The following FRMPD4 variants were observed in gnomAD, a reference collection of about 807,000 sequenced individuals.
FRMPD4 encodes FERM and PDZ domain-containing protein 4.
A neutral mutation model predicts 94.1 loss-of-function variants in FRMPD4; 22 were observed. The observed-to-expected ratio is 0.23, with a 90% CI of 0.17 to 0.33. The LOEUF (loss-of-function observed/expected upper bound fraction) is 0.33, where lower values mean the gene tolerates loss of function less well. FRMPD4 is among the 10% of genes least tolerant of loss of function. The probability of loss-of-function intolerance (pLI) is 1.00; values close to 1 mark genes in which losing one functional copy is unlikely to be tolerated. For synonymous variants in FRMPD4, 631 were observed against 548.6 expected (o/e 1.15, Z -2.10); for missense variants, 1,111 against 1,339.9 (o/e 0.83, Z 2.67).
intron 1 of FRMPD4, among the ~76,000 whole-genome samples, chrX:12,407,389 G>C (rs1369381321): frequency 9.0e-6 from 1 of 111,526 alleles, no homozygotes; most frequent in Non-Finnish European, 1.9e-5. Context: ...AGAGTCAAAG[G>C]ACCTGAGTTT....
chrX:12,128,657 C>T (rs776694896), intron 3 of FRMPD4, among the ~76,000 whole-genome samples: 4 of 111,944 alleles, frequency 3.6e-5, no homozygotes, highest in Non-Finnish European at 5.6e-5. Context: ...GCTTTTCTAT[C>T]ACATTGTCAG....
At chrX:12,675,185 T>C (rs1269469687) in intron 5 of FRMPD4, among the ~76,000 whole-genome samples, 4 of 112,146 alleles carry the variant, frequency 3.6e-5, no homozygotes, top group Non-Finnish European at 7.5e-5. Context: ...TGACACTAAA[T>C]TCAAGACCTT....
chrX:12,309,337 T>C lies in FRMPD4; in HGVS notation c.41+170325T>C, dbSNP rs1040728126. ...CATTTTCACTGTGCAGACGTTAAAA[T>C]TTAAACCACTGATAGTGATTAAAAA... On this transcript the variant is annotated intron_variant, in intron 1 of 16. Transcript: ENST00000675598. 3.9e-5 allele frequency among the ~76,000 whole-genome samples: 4 copies of C among 102,902 alleles called. 1 individual carries two copies. 89.4% of individuals were successfully genotyped at this position (102,902 alleles called of 115,157 possible).
intron 1 of FRMPD4, among the ~76,000 whole-genome samples, chrX:12,482,194 C>G (rs2057695485): frequency 9.1e-6 from 1 of 110,043 alleles, no homozygotes; most frequent in South Asian, 4.0e-4. Flanking sequence ...TTGCTAAGAG[C>G]CAGCTGTATT....
intron 1 of FRMPD4, among the ~76,000 whole-genome samples, chrX:12,377,569 A>C (rs143416728): frequency 8.9e-6 from 1 of 112,340 alleles, no homozygotes; most frequent in Non-Finnish European, 1.9e-5. Flanking sequence ...CATTTTTCCC[A>C]GTCTTGAAAG....
intron 1 of FRMPD4, among the ~76,000 whole-genome samples, chrX:12,348,911 A>G (rs1191223288): frequency 8.9e-6 from 1 of 112,633 alleles, no homozygotes; most frequent in African/African-American, 3.2e-5. Flanking sequence ...GCAAGCTATA[A>G]AAGTTTGCCA....
intron 2 of FRMPD4, among the ~76,000 whole-genome samples, chrX:12,592,061 G>A (rs1602178553): frequency 9.0e-6 from 1 of 111,312 alleles, no homozygotes; most frequent in South Asian, 3.9e-4. Context: ...ACCTAGAAAG[G>A]TCACTGTCTC....
chrX:12,167,507 G>T (rs909107158), intron 1 of FRMPD4, among the ~76,000 whole-genome samples: 1 of 111,365 alleles, frequency 9.0e-6, no homozygotes, highest in African/African-American at 3.3e-5. Context: ...TCGGATGGTG[G>T]GATTTTAATT....
At chrX:12,474,815 A>G (rs1178999236) in intron 1 of FRMPD4, among the ~76,000 whole-genome samples, 2 of 111,604 alleles carry the variant, frequency 1.8e-5, no homozygotes, top group African/African-American at 6.5e-5. Context: ...TGAGGCAATA[A>G]TTAATAGCTT....
At chrX:12,336,422 T>C (rs1003890729) in intron 1 of FRMPD4, among the ~76,000 whole-genome samples, 10 of 111,895 alleles carry the variant, frequency 8.9e-5, no homozygotes, top group African/African-American at 3.3e-4. Flanking sequence ...CCTCAAGTTA[T>C]AATGATGTAT....
chrX:12,709,434 CT>C (rs747298521), intron 13 of FRMPD4, among the ~76,000 whole-genome samples: 7 of 111,718 alleles, frequency 6.3e-5, no homozygotes, highest in Non-Finnish European at 1.1e-4. Flanking sequence ...TCATCCAACA[CT>C]TTTTTTTCCC....
At chrX:12,305,007 C>A (rs184295848) in intron 1 of FRMPD4, among the ~76,000 whole-genome samples, 12 of 112,127 alleles carry the variant, frequency 1.1e-4, no homozygotes, top group South Asian at 3.7e-4. Context: ...AATTTGGAAG[C>A]ATGGTTGATA....
At chrX:12,560,742 C>CTTTTTTTTTTT (rs749269384) in intron 2 of FRMPD4, among the ~76,000 whole-genome samples, 1 of 43,449 alleles carries the variant, frequency 2.3e-5, no homozygotes, top group Non-Finnish European at 4.3e-5. Context: ...CTCCCCTCAT[C>CTTTTTTTTTTT]TTTTTTTTTT....
intron 3 of FRMPD4, among the ~76,000 whole-genome samples, chrX:11,923,606 A>T (rs771589950): frequency 1.0e-3 from 117 of 112,113 alleles, no homozygotes; most frequent in African/African-American, 3.7e-3. Flanking sequence ...CAGAGAACAA[A>T]GTTGGGGCCC....
In FRMPD4 at chrX:11,955,736, C is replaced by T. The variant is rs759111057; in HGVS notation, c.95+77718C>T. Among the ~76,000 whole-genome samples, 19 of 99,477 alleles carry T rather than the reference C, an allele frequency of 1.9e-4. No individual in the cohort carries two copies. The East Asian group carries it at 2.3e-3, about 12-fold the overall frequency. The allele number at this position is 99,477 out of a possible 115,157, so 86.4% of individuals were successfully genotyped here. ...TAGCCTGGGCGACAGAGCAAGACTC[C>T]GTCTCAAAAAGAAAAAAAAAAAAAA... is the stretch of plus-strand genomic sequence containing the variant. On this transcript the variant is annotated intron_variant, in intron 3 of 18. Coordinates refer to the FRMPD4 transcript ENST00000640291.
intron 3 of FRMPD4, among the ~76,000 whole-genome samples, chrX:12,033,839 A>C (rs2054705340): frequency 8.9e-6 from 1 of 112,081 alleles, no homozygotes; most frequent in Non-Finnish European, 1.9e-5. Context: ...CTGGGATTAC[A>C]GGCATGTGCC....
Position 12,653,402 on chromosome X carries a change from G to A in FRMPD4, c.423-21461G>A, listed in dbSNP as rs1226282430. ...AGACCTATTGGTACTTGAAGAACCA[G>A]TAGCAATCATTTTGTCTATTTGTTT... On this transcript the variant is annotated intron_variant, in intron 4 of 16. Coordinates refer to ENST00000675598, the MANE Select transcript of FRMPD4 (RefSeq NM_001368397.1). Among the ~76,000 whole-genome samples the A allele has an allele frequency of 2.6e-4, 29 of 112,422 alleles. No homozygotes were observed. In the Admixed American group the frequency reaches 2.7e-3, roughly 11 times the overall value.
At chrX:11,933,748 TG>T (rs2054134951) in intron 3 of FRMPD4, among the ~76,000 whole-genome samples, 2 of 112,010 alleles carry the variant, frequency 1.8e-5, no homozygotes, top group South Asian at 3.7e-4. Context: ...GCTGGCTTTG[TG>T]GGGTTTTTTT....
At chrX:11,956,528 C>G (rs112712116) in intron 3 of FRMPD4, among the ~76,000 whole-genome samples, 7,215 of 111,373 alleles carry the variant, frequency 0.065, 255 homozygotes, top group East Asian at 0.24. Context: ...TTAGTAGATT[C>G]GGGATCCTAT....
Sources: allele counts gnomAD v4.1 joint callset (sites outside exome capture counted in the v4.1 genomes callset), GRCh38; gene constraint gnomAD v4.1.1; transcripts MANE v1.5; gene names NCBI Gene and HGNC (gene_info 2026-07-23, HGNC 2026-07-21).